RSPRY1: variants seen among roughly 807,000 people sequenced by gnomAD.
The protein encoded by RSPRY1 is RING finger and SPRY domain-containing protein 1.
Under a neutral mutation model 73.1 loss-of-function variants are expected in RSPRY1, and 23 were observed. The observed-to-expected ratio is 0.31, with a 90% confidence interval of 0.23 to 0.45. RSPRY1 has a LOEUF of 0.45. Ranked by LOEUF, RSPRY1 falls within the 20% of genes least tolerant of loss-of-function variation. The pLI is 1.00. For synonymous variants in RSPRY1, 226 were observed against 251.4 expected (o/e 0.90, Z 0.95); for missense variants, 448 against 698.7 (o/e 0.64, Z 4.05).
At position 57,230,719 on chromosome 16, in the gene RSPRY1, G is replaced by A; in HGVS notation, c.1282G>A (p.Val428Ile). The A allele has an allele frequency of 6.3e-7, 1 of 1,576,278 alleles. No homozygotes were observed. The highest frequency in any genetic ancestry group is 8.7e-7 in the Non-Finnish European group (1 of 1,147,112). The change falls in exon 12 of 15, where the codon GTA becomes ATA. Residue 428 changes from valine to isoleucine, a missense_variant. By Grantham distance (29) the Val-to-Ile change is conservative (BLOSUM62 3). Transcript: ENST00000394420. Reference sequence around the variant, plus strand: ...TTCTCTTTATCCTCTAGGAGATACAGTAGGATTTCTGTTAGACTTGAATGA... The same window carrying A: ...TTCTCTTTATCCTCTAGGAGATACAATAGGATTTCTGTTAGACTTGAATGA... Reference protein sequence around the residue: ...IHPCWKEGDTVGFLLDLNEKQ... With the variant: ...IHPCWKEGDTIGFLLDLNEKQ...
chr16:57,237,174 T>TCAG (rs2075312709), intron 14 of RSPRY1, among the ~76,000 whole-genome samples: 1 of 152,086 alleles, frequency 6.6e-6, no homozygotes, highest in South Asian at 2.1e-4. Context: ...GATGGAGTCT[T>TCAG]GCTCTGTCGT....
At chr16:57,208,252 A>C (rs1404263578) in intron 3 of RSPRY1, 142 bp downstream of exon 3, 2 of 452,548 alleles carry the variant, frequency 4.4e-6, no homozygotes, top group Non-Finnish European at 7.7e-6. Context: ...AAAAGCCCTT[A>C]CTGTATGGAA....
intron 1 of RSPRY1, among the ~76,000 whole-genome samples, chr16:57,199,652 A>C (rs1371668969): frequency 6.6e-6 from 1 of 152,174 alleles, no homozygotes; most frequent in Non-Finnish European, 1.5e-5. Flanking sequence ...TAGGTTTTAG[A>C]AATGAATGTG....
At chr16:57,188,303 A>AGAGATG (rs2146133910) in intron 1 of RSPRY1, among the ~76,000 whole-genome samples, 2 of 150,992 alleles carry the variant, frequency 1.3e-5, no homozygotes, top group South Asian at 4.2e-4. Context: ...GGTTCGTCGT[A>AGAGATG]CTTGTTAGAG....
intron 10 of RSPRY1, 51 bp from the exon 11 acceptor site, chr16:57,227,291 C>A: frequency 1.6e-6 from 2 of 1,241,850 alleles, no homozygotes; most frequent in South Asian, 1.2e-5. Context: ...TCTCTGTTCC[C>A]AGGTCAGAGC....
In RSPRY1 at chr16:57,217,038, A is replaced by G; in HGVS notation, c.901+3A>G. On this transcript the variant is annotated splice_donor_region_variant and intron_variant, in intron 8 of 14. Coordinates refer to ENST00000394420, the MANE Select transcript of RSPRY1 (RefSeq NM_133368.3). ...CCAGTGGAGCTTAGACAATCTCTGT[A>G]AGTGGGAGTTGTCCTTTATTAAAAT... 1 of 1,614,122 alleles carries G rather than the reference A, an allele frequency of 6.2e-7. No individual in the cohort carries two copies. The highest frequency in any genetic ancestry group is 1.1e-5 in the South Asian group (1 of 91,084).
At chr16:57,200,396 A>G (rs2074548917) in intron 1 of RSPRY1, among the ~76,000 whole-genome samples, 1 of 152,048 alleles carries the variant, frequency 6.6e-6, no homozygotes, top group Admixed American at 6.6e-5. Flanking sequence ...TTGTCATCAT[A>G]GCCCATTCTC....
intron 6 of RSPRY1, 130 bp downstream of exon 6, chr16:57,214,076 C>G: frequency 3.0e-6 from 2 of 664,328 alleles, no homozygotes; most frequent in Admixed American, 5.0e-5. Flanking sequence ...ATTTTATTTG[C>G]AGGTGTTTCC....
chr16:57,198,587 T>C (rs1458324547), intron 1 of RSPRY1, among the ~76,000 whole-genome samples: 2 of 152,258 alleles, frequency 1.3e-5, no homozygotes, highest in African/African-American at 4.8e-5. Context: ...ATTGTAACTT[T>C]ATAGGCTCCC....
Position 57,220,723 on chromosome 16 carries a change from C to T in RSPRY1, c.902-9C>T, listed in dbSNP as rs141427328. 8.9e-6 allele frequency: 14 copies of T among 1,580,866 alleles called. No individual in the cohort carries two copies. In the African/African-American group the frequency reaches 1.1e-4, roughly 12 times the overall value. On this transcript the variant is annotated splice_polypyrimidine_tract_variant and intron_variant, in intron 8 of 14. Transcript: ENST00000394420. Reference sequence around the variant, plus strand: ...TGCCTTAGAAACATGAACACTCTTTCTTTTGCAGTTTTAAAAGAAGGTAGA... The same window carrying T: ...TGCCTTAGAAACATGAACACTCTTTTTTTTGCAGTTTTAAAAGAAGGTAGA...
chr16:57,228,315 C>T (rs923239642), intron 11 of RSPRY1, among the ~76,000 whole-genome samples: 13 of 150,874 alleles, frequency 8.6e-5, no homozygotes, highest in Admixed American at 6.6e-4. Context: ...ATTTGCCCAC[C>T]CCCATATGGA....
chr16:57,220,929 G>A, intron 9 of RSPRY1, 82 bp downstream of exon 9: 1 of 1,009,186 alleles, frequency 9.9e-7, no homozygotes, highest in Non-Finnish European at 1.5e-6. Context: ...TTGTCTTAGG[G>A]CTGGTGCTTC....
intron 10 of RSPRY1, among the ~76,000 whole-genome samples, chr16:57,226,711 G>C (rs1009997817): frequency 2.0e-4 from 31 of 152,174 alleles, no homozygotes; most frequent in African/African-American, 7.5e-4. Context: ...CTTCTGGCTG[G>C]CTTCTTTATT....
chr16:57,202,878 TTATATATATATA>T (rs55701001), intron 1 of RSPRY1, among the ~76,000 whole-genome samples: 20 of 131,632 alleles, frequency 1.5e-4, no homozygotes, highest in South Asian at 8.5e-4. Context: ...TTACATATGA[TTATATATATATA>T]TATATATATA....
At chr16:57,207,549 G>A (rs2074748874) in intron 2 of RSPRY1, 1 of 455,164 alleles carries the variant, frequency 2.2e-6, no homozygotes, top group African/African-American at 2.0e-5. Context: ...TTTGTTTCTT[G>A]TAATACCATT....
At chr16:57,209,632 G>A (rs2074796585) in intron 4 of RSPRY1, among the ~76,000 whole-genome samples, 1 of 151,918 alleles carries the variant, frequency 6.6e-6, no homozygotes, top group African/African-American at 2.4e-5. Flanking sequence ...CTCCCAAAGT[G>A]CTGGGACTAC....
intron 1 of RSPRY1, among the ~76,000 whole-genome samples, chr16:57,201,643 C>T (rs1048025397): frequency 6.6e-6 from 1 of 152,222 alleles, no homozygotes; most frequent in East Asian, 1.9e-4. Context: ...GCCGAGATCA[C>T]GCCACTGCAC....
chr16:57,235,892 G>C (rs1462148997), intron 14 of RSPRY1, among the ~76,000 whole-genome samples: 1 of 152,212 alleles, frequency 6.6e-6, no homozygotes, highest in Non-Finnish European at 1.5e-5. Flanking sequence ...GATGAACCCA[G>C]TTTGTCATCC....
intron 1 of RSPRY1, among the ~76,000 whole-genome samples, chr16:57,199,962 GA>G (rs1227013766): frequency 7.1e-6 from 1 of 140,354 alleles, no homozygotes; most frequent in Admixed American, 7.2e-5. Flanking sequence ...CGCAGAGGGG[GA>G]TTTGGCAGGG....
Sources: gnomAD v4.1 joint callset for allele counts (sites outside exome capture counted in the v4.1 genomes callset) on GRCh38, gnomAD v4.1.1 for gene constraint, MANE v1.5 for transcripts, NCBI Gene and HGNC (gene_info 2026-07-23, HGNC 2026-07-21) for gene names.